FRMPD3: variants seen among roughly 807,000 people sequenced by gnomAD.
The protein encoded by FRMPD3 is FERM and PDZ domain-containing protein 3.
A neutral mutation model predicts 97.9 loss-of-function variants in FRMPD3; 42 were observed. The ratio of observed to expected loss-of-function variants is 0.43; its 90% CI spans 0.34 to 0.55. FRMPD3 has a LOEUF of 0.55. Ranked by LOEUF, FRMPD3 falls within the 20% of genes least tolerant of loss-of-function variation. The pLI, the probability that FRMPD3 is intolerant of heterozygous loss-of-function variation, is 0.03. For synonymous variants in FRMPD3, 577 were observed against 581.1 expected, an observed-to-expected ratio of 0.99 and a Z score of 0.10; for missense variants, 1,303 against 1,457.7, an observed-to-expected ratio of 0.89 and a Z score of 1.73.
At chrX:107,501,026 C>T (rs1001690730) in intron 1 of FRMPD3, among the ~76,000 whole-genome samples, 2 of 111,350 alleles carry the variant, frequency 1.8e-5, no homozygotes, top group Non-Finnish European at 3.8e-5. Flanking sequence ...GACCCCATGG[C>T]TTCCTTAATC....
rs1177481456 is a variant in FRMPD3, at chrX:107,581,242, G to A, written c.1441+4783G>A. Among the ~76,000 whole-genome samples the A allele has an allele frequency of 1.8e-4, 20 of 110,411 alleles. 1 individual carries two copies. The South Asian group carries it at 7.9e-3, about 43-fold the overall frequency. On this transcript the variant is annotated intron_variant, in intron 13 of 14. Coordinates refer to ENST00000683843, the MANE Select transcript of FRMPD3 (RefSeq NM_001388459.1). Reference sequence around the variant, plus strand: ...TCCTGCCTCAGCCTCCTGAGTAGCTGGGATTACAGGTGGCCGCCACCATGC... The same window carrying A: ...TCCTGCCTCAGCCTCCTGAGTAGCTAGGATTACAGGTGGCCGCCACCATGC...
At chrX:107,589,865 T>C (rs1210448762) in intron 13 of FRMPD3, among the ~76,000 whole-genome samples, 1 of 112,716 alleles carries the variant, frequency 8.9e-6, no homozygotes, top group East Asian at 2.8e-4. Context: ...AAAAATAGAA[T>C]TGAGGTCGGG....
chrX:107,524,973 G>GT (rs370530693), intron 1 of FRMPD3, among the ~76,000 whole-genome samples: 1 of 77,502 alleles, frequency 1.3e-5, no homozygotes, highest in African/African-American at 5.6e-5. Flanking sequence ...TCCAGCTGGC[G>GT]TAACAGAGGG....
chrX:107,500,268 G>A (rs1287006479), intron 1 of FRMPD3, among the ~76,000 whole-genome samples: 1 of 111,402 alleles, frequency 9.0e-6, no homozygotes, highest in Non-Finnish European at 1.9e-5. Context: ...ATTATTGTTG[G>A]GTGGGCCCTT....
intron 1 of FRMPD3, among the ~76,000 whole-genome samples, chrX:107,485,603 A>AATTAACAGGTT (rs1378433937): frequency 1.1e-4 from 12 of 112,187 alleles, no homozygotes; most frequent in Admixed American, 1.0e-3. Flanking sequence ...CGGTGTAACA[A>AATTAACAGGTT]ATTAACAGGT....
chrX:107,592,407 T>C (rs1224228660), intron 13 of FRMPD3, among the ~76,000 whole-genome samples: 5 of 111,817 alleles, frequency 4.5e-5, no homozygotes, highest in African/African-American at 9.8e-5. Context: ...TGTTTTTAGA[T>C]GGAATCTCGC....
chrX:107,486,561 G>A (rs1465469277), intron 1 of FRMPD3, among the ~76,000 whole-genome samples: 2 of 112,367 alleles, frequency 1.8e-5, no homozygotes, highest in Middle Eastern at 4.2e-3. Context: ...TTCTTTGCAC[G>A]TGGATATCCA....
intron 1 of FRMPD3, among the ~76,000 whole-genome samples, chrX:107,478,494 G>A (rs1015698661): frequency 9.0e-6 from 1 of 111,676 alleles, no homozygotes; most frequent in Non-Finnish European, 1.9e-5. Context: ...GTCTCCCCAA[G>A]TGAATTGTAA....
At chrX:107,502,673 G>A (rs1239292409) in intron 1 of FRMPD3, among the ~76,000 whole-genome samples, 5 of 111,978 alleles carry the variant, frequency 4.5e-5, no homozygotes, top group Non-Finnish European at 9.4e-5. Flanking sequence ...CAACAACAAC[G>A]AAAGGATCCC....
chrX:107,521,640 C>T (rs1054021735), intron 1 of FRMPD3, among the ~76,000 whole-genome samples: 11 of 112,268 alleles, frequency 9.8e-5, no homozygotes, highest in African/African-American at 3.6e-4. Flanking sequence ...GGGAATGTTG[C>T]ATCTCATGGG....
In FRMPD3 at chrX:107,597,641, G is replaced by C; in HGVS notation, c.1762G>C (p.Glu588Gln). 1 of 1,210,759 alleles carries C rather than the reference G, an allele frequency of 8.3e-7. No individual in the cohort carries two copies. Residue 588 changes from glutamate (E) to glutamine (Q), a missense_variant, in exon 14 of 15, where the codon GAG (glutamate) becomes CAG (glutamine). Around this residue, in one of 3 missense-constraint regions of FRMPD3, gnomAD observed 535 missense variants for 618.6 expected, o/e 0.86. Coordinates refer to ENST00000683843, the MANE Select transcript of FRMPD3 (RefSeq NM_001388459.1). ...CTTTGATGCAGCTAGCCTAGACCAC[G>C]AGCCTTGTGCCAGCAGGGCCCGGTC... is the stretch of plus-strand genomic sequence containing the variant. ...DDFDAASLDH[E>Q]PCASRARSYT...
intron 13 of FRMPD3, among the ~76,000 whole-genome samples, chrX:107,588,866 T>C (rs181159611): frequency 9.0e-6 from 1 of 111,588 alleles, no homozygotes; most frequent in East Asian, 2.8e-4. Context: ...ACTTGGTTGA[T>C]TCAGCTATCG....
At chrX:107,489,781 GT>G (rs1921607698) in intron 1 of FRMPD3, among the ~76,000 whole-genome samples, 1 of 111,591 alleles carries the variant, frequency 9.0e-6, no homozygotes, top group African/African-American at 3.3e-5. Flanking sequence ...CTCCCATTTT[GT>G]GGGTTGCCTG....
intron 13 of FRMPD3, among the ~76,000 whole-genome samples, chrX:107,589,817 T>G (rs1184548104): frequency 8.9e-6 from 1 of 112,788 alleles, no homozygotes; most frequent in Admixed American, 9.4e-5. Flanking sequence ...TAGAAGGGCT[T>G]TCTGATTTTA....
chrX:107,489,751 G>T (rs1921606720), intron 1 of FRMPD3, among the ~76,000 whole-genome samples: 1 of 111,681 alleles, frequency 9.0e-6, no homozygotes, highest in African/African-American at 3.3e-5. Context: ...TTTGTCAGAC[G>T]AGTAGGTTGC....
At chrX:107,450,473 T>G (rs1004742911) in intron 1 of FRMPD3, among the ~76,000 whole-genome samples, 17 of 108,395 alleles carry the variant, frequency 1.6e-4, no homozygotes, top group Non-Finnish European at 2.9e-4. Context: ...GGGGCCATGT[T>G]CACAAGCGGA....
chrX:107,557,294 T>C lies in FRMPD3; in HGVS notation c.762+2790T>C, dbSNP rs116080365. 7.0e-3 allele frequency among the ~76,000 whole-genome samples: 786 copies of C among 111,801 alleles called. 9 individuals carry two copies. The highest frequency in any genetic ancestry group is 0.024 in the African/African-American group (743 of 30,805). ...CTCGGGGGAAGTGTCCATTTAGATC[T>C]TTGCCTGCTTTTTTATTGGGTTGTT... On this transcript the variant is annotated intron_variant, in intron 8 of 14. Coordinates refer to ENST00000683843, the MANE Select transcript of FRMPD3 (RefSeq NM_001388459.1).
intron 3 of FRMPD3, among the ~76,000 whole-genome samples, chrX:107,532,480 G>A (rs745725282): frequency 1.8e-5 from 2 of 112,499 alleles, no homozygotes; most frequent in Admixed American, 1.9e-4. Flanking sequence ...AAATGAAATG[G>A]GGAGACATGG....
At chrX:107,572,297 G>T (rs765323058) in intron 12 of FRMPD3, among the ~76,000 whole-genome samples, 12 of 111,829 alleles carry the variant, frequency 1.1e-4, no homozygotes, top group Non-Finnish European at 1.9e-5. Flanking sequence ...GTAATTGCTG[G>T]AGTATAAGGT....
Sources: gnomAD v4.1 joint callset for allele counts (sites outside exome capture counted in the v4.1 genomes callset) on GRCh38, gnomAD v4.1.1 for gene constraint, gnomAD v4.1.1 regional missense constraint, MANE v1.5 for transcripts, NCBI Gene and HGNC (gene_info 2026-07-23, HGNC 2026-07-21) for gene names.